Variants in VEGFC observed in about 807,000 individuals in gnomAD.
The protein encoded by VEGFC is vascular endothelial growth factor C.
In VEGFC, 12 loss-of-function variants were observed where a neutral mutation model predicts 46.1. That is an observed-to-expected ratio of 0.26 (90% confidence interval 0.17 to 0.42). The LOEUF is 0.42. Among genes scored for constraint, VEGFC ranks in the 10% least tolerant of loss-of-function variants. The probability of loss-of-function intolerance (pLI) is 1.00; values close to 1 mark genes in which losing one functional copy is unlikely to be tolerated. For missense variants in VEGFC, 488 were observed against 529.4 expected (o/e 0.92, Z 0.77); for synonymous variants, 232 against 195.5 (o/e 1.19, Z -1.56).
intron 4 of VEGFC, among the ~76,000 whole-genome samples, chr4:176,693,833 A>G (rs1301417746): frequency 1.3e-5 from 2 of 148,304 alleles, no homozygotes; most frequent in East Asian, 3.9e-4. Context: ...CAACATTCTT[A>G]AAGAAAAGAA....
Position 176,692,513 on chromosome 4 carries a change from C to CT in VEGFC, c.705-4587dup, listed in dbSNP as rs1327792563. On this transcript the variant is annotated intron_variant, in intron 4 of 6. Coordinates refer to ENST00000618562, the MANE Select transcript of VEGFC (RefSeq NM_005429.5). ...TCTCGCTGATTGCTAGCACAGCAGT[C>CT]TGAGATCAAACTGCAAGGCGGCAAT... 4.5e-5 allele frequency among the ~76,000 whole-genome samples: 6 copies of CT among 134,606 alleles called. 2 individuals carry two copies. Among genetic ancestry groups the CT allele is most frequent in the African/African-American group, 1.8e-4 (5 of 27,574 alleles). The allele number at this position is 134,606 out of a possible 152,430, so 88.3% of individuals were successfully genotyped here.
Position 176,687,174 on chromosome 4 carries a change from G to A in VEGFC, c.1145+13C>T. ...AGTAAGATAAATTAATATTCTTCAT[G>A]AGGATCTCTTACCTGCATGTTTGGT... is the stretch of plus-strand genomic sequence containing the variant. On this transcript the variant is annotated intron_variant, in intron 6 of 6. Coordinates refer to ENST00000618562, the MANE Select transcript of VEGFC (RefSeq NM_005429.5). 6.3e-7 allele frequency: 1 copy of A among 1,597,908 alleles called. No homozygotes were observed. Among genetic ancestry groups the A allele is most frequent in the Non-Finnish European group, 8.5e-7 (1 of 1,173,584 alleles).
chr4:176,764,758 C>T (rs1735587426), intron 1 of VEGFC, among the ~76,000 whole-genome samples: 1 of 152,112 alleles, frequency 6.6e-6, no homozygotes, highest in African/African-American at 2.4e-5. Context: ...TGGCTGATTA[C>T]CAGAGGATAC....
chr4:176,748,980 A>G (rs1222345489), intron 1 of VEGFC, among the ~76,000 whole-genome samples: 3 of 152,012 alleles, frequency 2.0e-5, no homozygotes, highest in Admixed American at 2.0e-4. Context: ...GTAAACATAT[A>G]TAACAAGATT....
chr4:176,753,765 T>C (rs1735388451), intron 1 of VEGFC, among the ~76,000 whole-genome samples: 1 of 152,114 alleles, frequency 6.6e-6, no homozygotes, highest in South Asian at 2.1e-4. Flanking sequence ...ATCTTTTAAC[T>C]GTTATGACTT....
At chr4:176,785,476 A>G (rs1463568466) in intron 1 of VEGFC, among the ~76,000 whole-genome samples, 1 of 152,174 alleles carries the variant, frequency 6.6e-6, no homozygotes, top group African/African-American at 2.4e-5. Context: ...TTATTCCACC[A>G]TATTTAAAAA....
chr4:176,791,263 T>C (rs907755652), intron 1 of VEGFC, among the ~76,000 whole-genome samples: 1 of 152,206 alleles, frequency 6.6e-6, no homozygotes, highest in African/African-American at 2.4e-5. Context: ...AAATGTCGAA[T>C]ATAACTTCTT....
At chr4:176,788,626 G>A (rs1205480854) in intron 1 of VEGFC, among the ~76,000 whole-genome samples, 1 of 152,150 alleles carries the variant, frequency 6.6e-6, no homozygotes, top group African/African-American at 2.4e-5. Context: ...ACTGGTCACA[G>A]CTCACTTCCA....
chr4:176,722,596 A>G (rs1250300175), intron 3 of VEGFC, among the ~76,000 whole-genome samples: 1 of 149,100 alleles, frequency 6.7e-6, no homozygotes, highest in Non-Finnish European at 1.5e-5. Flanking sequence ...TCCAGGATCC[A>G]GCAATCCTCC....
At chr4:176,772,818 G>A (rs1223897105) in intron 1 of VEGFC, among the ~76,000 whole-genome samples, 1 of 152,052 alleles carries the variant, frequency 6.6e-6, no homozygotes, top group Non-Finnish European at 1.5e-5. Context: ...CAGTAAGAAG[G>A]CCCTCACCAG....
At chr4:176,781,901 G>A (rs1020495263) in intron 1 of VEGFC, among the ~76,000 whole-genome samples, 1 of 152,182 alleles carries the variant, frequency 6.6e-6, no homozygotes, top group Non-Finnish European at 1.5e-5. Context: ...TAAGTAGTCG[G>A]CTTCCCATAC....
At chr4:176,722,001 T>A (rs1259040853) in intron 3 of VEGFC, among the ~76,000 whole-genome samples, 1 of 152,142 alleles carries the variant, frequency 6.6e-6, no homozygotes, top group Non-Finnish European at 1.5e-5. Context: ...CTCAAAATCT[T>A]CAAATCTTTA....
At chr4:176,733,950 A>C (rs1211553563) in intron 1 of VEGFC, among the ~76,000 whole-genome samples, 1 of 151,864 alleles carries the variant, frequency 6.6e-6, no homozygotes, top group East Asian at 1.9e-4. Flanking sequence ...TCTAGAAATA[A>C]ATTGCTTGGT....
chr4:176,792,369 G>A lies in VEGFC; in HGVS notation c.-58C>T, dbSNP rs960616802. The A allele has an allele frequency of 3.0e-6, 4 of 1,330,092 alleles. No homozygotes were observed. The highest frequency in any genetic ancestry group is 2.9e-6 in the Non-Finnish European group (3 of 1,020,822). The allele number at this position is 1,330,092 out of a possible 1,614,324, so 82.4% of individuals were successfully genotyped here. On this transcript the variant is annotated 5_prime_UTR_variant, in exon 1 of 7. Transcript: ENST00000618562. The surrounding 1 kb of genome is among the most constrained non-coding windows in gnomAD (Gnocchi z 6.3). ...CTGGCGGGGGCAGGGGTGGGGGCGC[G>A]GGCGCCCCTGCGAGGCCGCGGGCCC...
chr4:176,766,441 G>T (rs1258186692), intron 1 of VEGFC, among the ~76,000 whole-genome samples: 2 of 152,038 alleles, frequency 1.3e-5, no homozygotes, highest in African/African-American at 4.8e-5. Context: ...ACAAAAATTA[G>T]CCAAGTGTAG....
chr4:176,709,992 TAGA>T (rs758512402), intron 4 of VEGFC, among the ~76,000 whole-genome samples: 29 of 151,808 alleles, frequency 1.9e-4, no homozygotes, highest in Middle Eastern at 3.4e-3. Context: ...TTAGATGGGA[TAGA>T]AGAAGAAGAA....
intron 4 of VEGFC, among the ~76,000 whole-genome samples, chr4:176,695,521 C>T (rs146670015): frequency 0.75 from 110,410 of 147,508 alleles, 41,601 homozygotes; most frequent in East Asian, 0.95. Context: ...CAGGACCAGA[C>T]GGATTCACAG....
intron 3 of VEGFC, among the ~76,000 whole-genome samples, chr4:176,716,632 C>T (rs56996802): frequency 0.067 from 9,702 of 145,762 alleles, 686 homozygotes; most frequent in African/African-American, 0.16. Flanking sequence ...AGAGACCTCA[C>T]GGTGAGGGTG....
intron 1 of VEGFC, among the ~76,000 whole-genome samples, chr4:176,767,543 G>A (rs1429547075): frequency 4.6e-5 from 7 of 152,122 alleles, no homozygotes; most frequent in Admixed American, 4.6e-4. Flanking sequence ...GCAGGACTAG[G>A]GTAGTTAGGA....
Sources: gnomAD v4.1 joint callset for allele counts (sites outside exome capture counted in the v4.1 genomes callset) on GRCh38, gnomAD v4.1.1 for gene constraint, Gnocchi (gnomAD v3.1) non-coding constraint, MANE v1.5 for transcripts, NCBI Gene and HGNC (gene_info 2026-07-23, HGNC 2026-07-21) for gene names.